Variants in COL13A1 observed in about 807,000 individuals in gnomAD.
The protein encoded by COL13A1 is collagen alpha-1(XIII) chain.
A neutral mutation model predicts 130.9 loss-of-function variants in COL13A1; 89 were observed. That is an observed-to-expected ratio of 0.68 (90% confidence interval 0.57 to 0.81). COL13A1 has a LOEUF of 0.81. Among genes scored for constraint, COL13A1 ranks in the 30% least tolerant of loss-of-function variants. COL13A1 has a pLI of 0.00. For missense variants in COL13A1, 879 were observed against 934.6 expected (o/e 0.94, Z 0.78); for synonymous variants, 402 against 341.6 (o/e 1.18, Z -1.95).
chr10:69,942,747 G>A (rs558001276), intron 35 of COL13A1, among the ~76,000 whole-genome samples: 1 of 152,324 alleles, frequency 6.6e-6, no homozygotes, highest in East Asian at 1.9e-4. Context: ...CCGACACTCG[G>A]CAAGGCTAAG....
intron 19 of COL13A1, among the ~76,000 whole-genome samples, chr10:69,918,546 C>A (rs531973029): frequency 6.6e-6 from 1 of 152,356 alleles, no homozygotes; most frequent in African/African-American, 2.4e-5. Flanking sequence ...CCTCAACTCA[C>A]TAGCCTGCCA....
chr10:69,903,898 C>T (rs1338771588), intron 15 of COL13A1, among the ~76,000 whole-genome samples: 1 of 152,154 alleles, frequency 6.6e-6, no homozygotes, highest in Non-Finnish European at 1.5e-5. Context: ...GTCTGGGCCC[C>T]TTGGCTGCCC....
chr10:69,829,297 C>A, intron 2 of COL13A1: 3 of 981,338 alleles, frequency 3.1e-6, no homozygotes, highest in Non-Finnish European at 3.6e-6. Flanking sequence ...GTATTTTTAA[C>A]ATTGATGTAT....
In COL13A1 at chr10:69,958,949, C is replaced by T. The variant is rs78824587; in HGVS notation, c.*248C>T. 7,895 of 527,110 alleles carry T rather than the reference C, an allele frequency of 0.015. 125 individuals carry two copies. The highest frequency in any genetic ancestry group is 0.06 in the South Asian group (2,180 of 36,080). 32.7% of individuals were successfully genotyped at this position (527,110 alleles called of 1,614,324 possible). On this transcript the variant is annotated 3_prime_UTR_variant, in exon 41 of 41. Coordinates refer to ENST00000645393, the MANE Select transcript of COL13A1 (RefSeq NM_001368882.1). Reference sequence around the variant, plus strand: ...GTAATGTCTGCATGATATTTGTGCACATTTATTAAGTATCGAAGCTTAATA... The same window carrying T: ...GTAATGTCTGCATGATATTTGTGCATATTTATTAAGTATCGAAGCTTAATA...
intron 14 of COL13A1, among the ~76,000 whole-genome samples, chr10:69,902,297 G>A (rs1247183378): frequency 1.3e-5 from 2 of 152,198 alleles, no homozygotes; most frequent in African/African-American, 4.8e-5. Context: ...GACAGGAAAC[G>A]AGGGCTATTG....
At chr10:69,890,865 C>T (rs2061105212) in intron 10 of COL13A1, among the ~76,000 whole-genome samples, 1 of 152,204 alleles carries the variant, frequency 6.6e-6, no homozygotes, top group South Asian at 2.1e-4. Context: ...GGTGTGGAAA[C>T]CAAGGCTCAG....
At chr10:69,842,314 A>G (rs904470713) in intron 2 of COL13A1, among the ~76,000 whole-genome samples, 13 of 152,188 alleles carry the variant, frequency 8.5e-5, no homozygotes, top group African/African-American at 3.1e-4. Context: ...GGCCTCCCCA[A>G]CCATTTAGAA....
intron 2 of COL13A1, among the ~76,000 whole-genome samples, chr10:69,826,453 G>A (rs1327149445): frequency 6.6e-6 from 1 of 152,216 alleles, no homozygotes; most frequent in Non-Finnish European, 1.5e-5. Context: ...TTGTGCACTA[G>A]CGCCATGACC....
At chr10:69,867,077 A>C (rs535688334) in intron 2 of COL13A1, among the ~76,000 whole-genome samples, 8 of 152,104 alleles carry the variant, frequency 5.3e-5, no homozygotes, top group African/African-American at 1.9e-4. Flanking sequence ...GAACACTTGA[A>C]TTTGTCATTC....
chr10:69,844,033 T>C (rs923983462), intron 2 of COL13A1, among the ~76,000 whole-genome samples: 5 of 152,156 alleles, frequency 3.3e-5, no homozygotes, highest in African/African-American at 4.8e-5. Context: ...CAGTAAAGCA[T>C]AGAAAATACC....
chr10:69,919,856 G>A (rs982286372), intron 21 of COL13A1, 129 bp downstream of exon 21: 2 of 397,078 alleles, frequency 5.0e-6, no homozygotes, highest in African/African-American at 4.1e-5. Context: ...CGAGATGAGG[G>A]GAGTGGCAGG....
chr10:69,854,378 C>A (rs1038597372), intron 2 of COL13A1, among the ~76,000 whole-genome samples: 5 of 152,110 alleles, frequency 3.3e-5, no homozygotes, highest in African/African-American at 1.2e-4. Flanking sequence ...CCAGCCTAGG[C>A]AACACGGCGA....
intron 35 of COL13A1, among the ~76,000 whole-genome samples, chr10:69,942,853 CCTT>C (rs1365423860): frequency 6.6e-6 from 1 of 152,116 alleles, no homozygotes; most frequent in Non-Finnish European, 1.5e-5. Context: ...CGAGCTGACT[CCTT>C]ATTGTTTTTG....
intron 34 of COL13A1, 46 bp downstream of exon 34, chr10:69,937,761 G>T: frequency 1.2e-6 from 1 of 836,884 alleles, no homozygotes; most frequent in South Asian, 1.4e-5. Context: ...GATGGGCCAG[G>T]GGTGTGGGCT....
chr10:69,926,733 G>A (rs781387216), intron 26 of COL13A1, among the ~76,000 whole-genome samples: 1 of 152,144 alleles, frequency 6.6e-6, no homozygotes, highest in Non-Finnish European at 1.5e-5. Context: ...AACAAGGGAG[G>A]GTCCTCAGAA....
At chr10:69,898,318 A>C (rs1203631691) in intron 13 of COL13A1, among the ~76,000 whole-genome samples, 1 of 152,196 alleles carries the variant, frequency 6.6e-6, no homozygotes, top group East Asian at 1.9e-4. Flanking sequence ...CTGTGTGTCC[A>C]GCAGCCTCTG....
At chr10:69,813,587 G>T (rs374367469) in intron 1 of COL13A1, among the ~76,000 whole-genome samples, 44 of 152,242 alleles carry the variant, frequency 2.9e-4, no homozygotes, top group East Asian at 2.5e-3. Flanking sequence ...TGCACGAAGA[G>T]AACTGTTGAG....
At chr10:69,937,254 C>CG (rs2067053142) in intron 33 of COL13A1, among the ~76,000 whole-genome samples, 1 of 152,180 alleles carries the variant, frequency 6.6e-6, no homozygotes. Context: ...CAAGAGACTT[C>CG]GGGGCAGTTT....
intron 10 of COL13A1, among the ~76,000 whole-genome samples, chr10:69,892,066 G>A (rs371646259): frequency 4.6e-5 from 7 of 152,154 alleles, no homozygotes; most frequent in Admixed American, 3.9e-4. Flanking sequence ...CCAGGGATCA[G>A]AGCTAACTCA....
Sources: allele counts gnomAD v4.1 joint callset (sites outside exome capture counted in the v4.1 genomes callset), GRCh38; gene constraint gnomAD v4.1.1; transcripts MANE v1.5; gene names NCBI Gene and HGNC (gene_info 2026-07-23, HGNC 2026-07-21).